Variants in DLGAP3 observed in about 807,000 individuals in gnomAD.
DLGAP3 encodes DLG associated protein 3, also known as disks large-associated protein 3.
A neutral mutation model predicts 81.2 loss-of-function variants in DLGAP3; 17 were observed. The ratio of observed to expected loss-of-function variants is 0.21; its 90% CI spans 0.14 to 0.31. The LOEUF is 0.31. Among genes scored for constraint, DLGAP3 ranks in the 10% least tolerant of loss-of-function variants. DLGAP3 has a pLI of 1.00. For synonymous variants in DLGAP3, 577 were observed against 587.4 expected (o/e 0.98, Z 0.26); for missense variants, 1,124 against 1,388.0 (o/e 0.81, Z 3.02).
rs763189646 is a variant in DLGAP3 at position 34,876,341 on chromosome 1, G to A, written c.2001-7252C>T. On this transcript the variant is annotated intron_variant, in intron 8 of 11. Coordinates refer to ENST00000373347, the MANE Select transcript of DLGAP3 (RefSeq NM_001080418.3). ...GCAGGGAACACCCTGAAAGGCAGAA[G>A]AGAAGAGACCTTTCCTGCTCAGCAA... Among the ~76,000 whole-genome samples, 51 of 152,366 alleles carry A rather than the reference G, an allele frequency of 3.3e-4. 1 individual carries two copies. The highest frequency in any genetic ancestry group is 5.7e-4 in the Non-Finnish European group (39 of 68,036).
chr1:34,917,031 C>T (rs893355195), intron 1 of DLGAP3, among the ~76,000 whole-genome samples: 1 of 151,858 alleles, frequency 6.6e-6, no homozygotes, highest in Non-Finnish European at 1.5e-5. Flanking sequence ...GTCTCCCTGA[C>T]CAAACTGGTC....
intron 8 of DLGAP3, among the ~76,000 whole-genome samples, chr1:34,876,526 C>T (rs377015337): frequency 7.2e-5 from 11 of 152,158 alleles, no homozygotes; most frequent in African/African-American, 2.4e-4. Flanking sequence ...CGCTTTTATG[C>T]ACCAGTTGGG....
intron 1 of DLGAP3, among the ~76,000 whole-genome samples, chr1:34,913,349 T>C (rs1333703426): frequency 6.6e-6 from 1 of 152,150 alleles, no homozygotes; most frequent in Non-Finnish European, 1.5e-5. Flanking sequence ...TAACCCACAC[T>C]ACCTATAATC....
chr1:34,877,183 TGAGAG>T (rs1157506166), intron 8 of DLGAP3, among the ~76,000 whole-genome samples: 1 of 151,782 alleles, frequency 6.6e-6, no homozygotes, highest in Non-Finnish European at 1.5e-5. Flanking sequence ...TGAGGGAGGA[TGAGAG>T]GAGAGACCCC....
chr1:34,929,442 G>A lies in DLGAP3; in HGVS notation c.-135+9C>T, dbSNP rs1424217040. Reference sequence around the variant, plus strand: ...CGCGGCCCCGTCCCCACTCCTCCCCGCGGCTTACCTGGCCCGGCTCGGGCT... The same window carrying A: ...CGCGGCCCCGTCCCCACTCCTCCCCACGGCTTACCTGGCCCGGCTCGGGCT... On this transcript the variant is annotated intron_variant, in intron 1 of 11. Coordinates refer to ENST00000373347, the MANE Select transcript of DLGAP3 (RefSeq NM_001080418.3). This position sits in a 1 kb window ranked among gnomAD's most constrained non-coding sequence, Gnocchi z 6.5. The A allele has an allele frequency of 6.7e-6, 1 of 148,228 alleles. No individual in the cohort carries two copies. The highest frequency in any genetic ancestry group is 2.4e-5 in the African/African-American group (1 of 41,028). The allele number at this position is 148,228 out of a possible 1,614,324, so 9.2% of individuals were successfully genotyped here. A position where few individuals can be genotyped will look rare whatever the true frequency, so the allele number is the denominator to read the frequency against.
chr1:34,915,153 T>C (rs1229348792), intron 1 of DLGAP3, among the ~76,000 whole-genome samples: 1 of 152,210 alleles, frequency 6.6e-6, no homozygotes, highest in Non-Finnish European at 1.5e-5. Context: ...CCATGAGCAA[T>C]TTGTGTTATC....
At position 34,904,194 on chromosome 1, in the gene DLGAP3, C is replaced by T; in HGVS notation, c.1107+83G>A. 6.4e-7 allele frequency: 1 copy of T among 1,554,868 alleles called. No homozygotes were observed. The highest frequency in any genetic ancestry group is 8.8e-7 in the Non-Finnish European group (1 of 1,140,532). On this transcript the variant is annotated intron_variant, in intron 3 of 11. Transcript: ENST00000373347. This position sits in a 1 kb window ranked among gnomAD's most constrained non-coding sequence, Gnocchi z 8.1. ...CTCCATCACAGGGACAGCTGGCTCC[C>T]ACCCAACCCTTTCCACTGCTCCCTA... is the stretch of plus-strand genomic sequence containing the variant.
At position 34,868,787 on chromosome 1, in the gene DLGAP3, G is replaced by A; in HGVS notation, c.2303C>T (p.Ala768Val). 6 of 1,585,550 alleles carry A rather than the reference G, an allele frequency of 3.8e-6. No individual in the cohort carries two copies. Among genetic ancestry groups the A allele is most frequent in the Non-Finnish European group, 5.1e-6 (6 of 1,170,028 alleles). The stretch of plus-strand genomic sequence containing the variant: ...CTCTATCCAGGAGTCACGGCGGCCG[G>A]CCCCAGGGCCGGGGGTGGGGGCGGG... ...PAPAPTPGPG[A>V]GRRDSWIERG... Residue 768 changes from alanine to valine, a missense_variant, in exon 9 of 12, where the codon GCC becomes GTC. Physicochemically the swap from Ala to Val is moderately conservative, Grantham distance 64 (BLOSUM62 0). Coordinates refer to ENST00000373347, the MANE Select transcript of DLGAP3 (RefSeq NM_001080418.3). The surrounding 1 kb of genome is among the most constrained non-coding windows in gnomAD (Gnocchi z 7.5).
intron 5 of DLGAP3, among the ~76,000 whole-genome samples, chr1:34,891,760 T>TA (rs1639314636): frequency 6.6e-6 from 1 of 152,182 alleles, no homozygotes; most frequent in Non-Finnish European, 1.5e-5. Context: ...GGCTGAACAC[T>TA]AAGCTATGCA....
chr1:34,928,641 G>T (rs1400843770), intron 1 of DLGAP3, among the ~76,000 whole-genome samples: 2 of 151,998 alleles, frequency 1.3e-5, no homozygotes, highest in Admixed American at 6.6e-5. Context: ...GGGGGACAGT[G>T]GGGGGGACAG....
intron 1 of DLGAP3, among the ~76,000 whole-genome samples, chr1:34,928,336 CATT>C (rs1400171351): frequency 6.6e-6 from 1 of 152,058 alleles, no homozygotes; most frequent in African/African-American, 2.4e-5. Flanking sequence ...CTTGGTGAAA[CATT>C]ATTGAGATGA....
intron 5 of DLGAP3, among the ~76,000 whole-genome samples, chr1:34,897,939 G>T (rs1557482019): frequency 6.6e-6 from 1 of 152,176 alleles, no homozygotes; most frequent in Non-Finnish European, 1.5e-5. Context: ...GAAGGATAAA[G>T]TTGCCATTAT....
Position 34,902,708 on chromosome 1 carries a change from C to T in DLGAP3, c.1107+1569G>A, listed in dbSNP as rs1270912317. Among the ~76,000 whole-genome samples the T allele has an allele frequency of 2.0e-5, 3 of 152,080 alleles. No individual in the cohort carries two copies. Among genetic ancestry groups the T allele is most frequent in the Non-Finnish European group, 2.9e-5 (2 of 67,996 alleles). ...CAGCAGGCAGGTGGAGAGAGGCAGGCCAGCAGATGGGAAGGCCATACTGCA... is the reference window on the plus strand; with the variant it reads ...CAGCAGGCAGGTGGAGAGAGGCAGGTCAGCAGATGGGAAGGCCATACTGCA... On this transcript the variant is annotated intron_variant, in intron 3 of 11. Coordinates refer to ENST00000373347, the MANE Select transcript of DLGAP3 (RefSeq NM_001080418.3). The surrounding 1 kb of genome is among the most constrained non-coding windows in gnomAD (Gnocchi z 4.4).
intron 5 of DLGAP3, among the ~76,000 whole-genome samples, chr1:34,896,142 A>T (rs1211221473): frequency 6.6e-6 from 1 of 152,214 alleles, no homozygotes; most frequent in Non-Finnish European, 1.5e-5. Context: ...TGTTCTCCAA[A>T]CAACAACATA....
chr1:34,920,936 A>T (rs1639786940), intron 1 of DLGAP3, among the ~76,000 whole-genome samples: 1 of 152,212 alleles, frequency 6.6e-6, no homozygotes, highest in African/African-American at 2.4e-5. Flanking sequence ...GAGTGAGGAG[A>T]TAGAATGACA....
chr1:34,890,509 T>C (rs1376766849), intron 5 of DLGAP3, among the ~76,000 whole-genome samples: 2 of 152,256 alleles, frequency 1.3e-5, no homozygotes, highest in Non-Finnish European at 2.9e-5. Context: ...ACTTCTGAGA[T>C]TAGGTTACAA....
At chr1:34,926,449 A>G (rs1314973022) in intron 1 of DLGAP3, among the ~76,000 whole-genome samples, 1 of 152,120 alleles carries the variant, frequency 6.6e-6, no homozygotes, top group East Asian at 1.9e-4. Context: ...CAGACTGGGG[A>G]GGGGCAGGGT....
chr1:34,885,896 C>T, intron 6 of DLGAP3, 105 bp from the exon 7 acceptor site: 1 of 1,163,758 alleles, frequency 8.6e-7, no homozygotes, highest in Non-Finnish European at 1.2e-6. Context: ...CGGGACCCTG[C>T]AGCGGCGCGC....
intron 8 of DLGAP3, among the ~76,000 whole-genome samples, chr1:34,869,546 A>G (rs1312767408): frequency 7.3e-6 from 1 of 137,786 alleles, no homozygotes; most frequent in Non-Finnish European, 1.5e-5. Context: ...CTGGAGTGCA[A>G]TGGCGCGATC....
Sources: gnomAD v4.1 joint callset for allele counts (sites outside exome capture counted in the v4.1 genomes callset) on GRCh38, gnomAD v4.1.1 for gene constraint, Gnocchi (gnomAD v3.1) non-coding constraint, MANE v1.5 for transcripts, NCBI Gene and HGNC (gene_info 2026-07-23, HGNC 2026-07-21) for gene names.